The following FAAP100 variants were observed in gnomAD, a reference collection of about 807,000 sequenced individuals.
FAAP100 encodes the protein FA core complex associated protein 100, also known as Fanconi anemia core complex-associated protein 100.
A neutral mutation model predicts 65.8 loss-of-function variants in FAAP100; 46 were observed. The ratio of observed to expected loss-of-function variants is 0.70; its 90% confidence interval spans 0.55 to 0.89. FAAP100 has a LOEUF of 0.89. Ranked by LOEUF, FAAP100 falls within the 40% of genes least tolerant of loss-of-function variation. The pLI is 0.00. For missense variants in FAAP100, 1,165 were observed against 1,196.7 expected, an observed-to-expected ratio of 0.97 and a Z score of 0.39; for synonymous variants, 663 against 555.1, an observed-to-expected ratio of 1.19 and a Z score of -2.73.
chr17:81,552,546 G>T (rs2033539079), upstream of FAAP100, among the ~76,000 whole-genome samples: 2 of 152,166 alleles, frequency 1.3e-5, no homozygotes, highest in Admixed American at 1.3e-4. Flanking sequence ...AGGGGCCGCG[G>T]CACCGTGCCG....
At chr17:81,542,325 G>A (rs955798201) in intron 7 of FAAP100, among the ~76,000 whole-genome samples, 11 of 150,960 alleles carry the variant, frequency 7.3e-5, no homozygotes, top group Admixed American at 3.3e-4. Flanking sequence ...CAGAGGGTGC[G>A]GTGAGCAGAG....
intron 5 of FAAP100, chr17:81,546,670 G>A: frequency 2.5e-6 from 1 of 399,804 alleles, no homozygotes; most frequent in Non-Finnish European, 4.3e-6. Flanking sequence ...AGGAGCAGCT[G>A]GGAGAGGGAG....
At chr17:81,541,036 G>T in intron 8 of FAAP100, 86 bp from the exon 9 acceptor site, 2 of 1,442,308 alleles carry the variant, frequency 1.4e-6, no homozygotes, top group African/African-American at 1.4e-5. Flanking sequence ...CCACTCGCAG[G>T]ACCCTACTTG....
chr17:81,551,686 G>A (rs2033500714), intron 2 of FAAP100: 1 of 1,327,192 alleles, frequency 7.5e-7, no homozygotes, highest in African/African-American at 1.5e-5. Flanking sequence ...CCAAAGGACA[G>A]GATCCCGCGC....
intron 7 of FAAP100, 62 bp from the exon 8 acceptor site, chr17:81,541,457 G>A (rs917014999): frequency 2.1e-6 from 3 of 1,441,822 alleles, no homozygotes; most frequent in African/African-American, 2.8e-5. Flanking sequence ...CACACCCCTT[G>A]GAGCAGGGTG....
rs2033049621 is a variant in FAAP100, at chr17:81,540,557, CAG to C, written c.*260_*261del. 6.8e-6 allele frequency: 3 copies of C among 440,416 alleles called. No individual in the cohort carries two copies. The highest frequency in any genetic ancestry group is 6.0e-5 in the African/African-American group (3 of 49,606). The allele number at this position is 440,416 out of a possible 1,614,324, so 27.3% of individuals were successfully genotyped here. On this transcript the variant is annotated 3_prime_UTR_variant, in exon 9 of 9. Transcript: ENST00000327787. ...CGAGTGCAGGGGCTGCGGCCGCGGTCAGAGAAGGAGAGACACCAGCAGAGGAC... is the reference window on the plus strand; with the variant it reads ...CGAGTGCAGGGGCTGCGGCCGCGGTCAGAAGGAGAGACACCAGCAGAGGAC...
rs937996423 is a variant in FAAP100 at position 81,540,336 on chromosome 17, G to A, written c.*483C>T. 6 of 400,736 alleles carry A rather than the reference G, an allele frequency of 1.5e-5. No individual in the cohort carries two copies. Among genetic ancestry groups the A allele is most frequent in the South Asian group, 1.2e-4 (1 of 8,036 alleles). The allele number at this position is 400,736 out of a possible 1,614,324, so 24.8% of individuals were successfully genotyped here. The stretch of plus-strand genomic sequence containing the variant: ...GTGTGAACAGTGTGACAAGGGTACC[G>A]TGGGGCACCTGGTAGTGCCACCCAG... On this transcript the variant is annotated 3_prime_UTR_variant, in exon 9 of 9. Transcript: ENST00000327787.
Position 81,552,014 on chromosome 17 carries a change from C to A in FAAP100, c.204G>T (p.Glu68Asp). 1 of 1,562,870 alleles carries A rather than the reference C, an allele frequency of 6.4e-7. No homozygotes were observed. Among genetic ancestry groups the A allele is most frequent in the East Asian group, 2.5e-5 (1 of 40,698 alleles). Reference protein sequence around the residue: ...FRFPDQVWHLELLAPRRLLYA... With the variant: ...FRFPDQVWHLDLLAPRRLLYA... Reference sequence around the variant, plus strand: ...ACAGCAACCTGCGCGGCGCCAGCAGCTCCAGGTGCCACACCTGGTCGGGGA... The same window carrying A: ...ACAGCAACCTGCGCGGCGCCAGCAGATCCAGGTGCCACACCTGGTCGGGGA... Residue 68 changes from glutamate (E) to aspartate (D), a missense_variant, in exon 2 of 9, where the codon GAG becomes GAT. Transcript: ENST00000327787.
intron 6 of FAAP100, among the ~76,000 whole-genome samples, chr17:81,545,130 A>G (rs1241724556): frequency 6.6e-6 from 1 of 152,198 alleles, no homozygotes; most frequent in African/African-American, 2.4e-5. Flanking sequence ...AAATCGCACC[A>G]CTGGACTCCA....
intron 6 of FAAP100, among the ~76,000 whole-genome samples, chr17:81,544,507 G>A (rs966266412): frequency 2.0e-5 from 3 of 152,146 alleles, no homozygotes; most frequent in African/African-American, 4.8e-5. Context: ...GCCCAGATCC[G>A]TCCCCCCACA....
chr17:81,544,095 G>A lies in FAAP100; in HGVS notation c.2336C>T (p.Ala779Val). The change falls in exon 7 of 9, where the codon GCA (alanine) becomes GTA (valine). Residue 779 changes from alanine to valine, a missense_variant. Physicochemically the swap from Ala to Val is moderately conservative, Grantham distance 64. Transcript: ENST00000327787. Reference sequence around the variant, plus strand: ...AATCTCCACGGCCTGGATGGGCCCTGCTGGGCACAGGTCAGTCATGGCCAC... The same window carrying A: ...AATCTCCACGGCCTGGATGGGCCCTACTGGGCACAGGTCAGTCATGGCCAC... ...REVAMTDLCP[A>V]GPIQAVEIQV... 1 of 1,612,508 alleles carries A rather than the reference G, an allele frequency of 6.2e-7. No homozygotes were observed. Among genetic ancestry groups the A allele is most frequent in the Non-Finnish European group, 8.5e-7 (1 of 1,179,728 alleles).
At position 81,549,035 on chromosome 17, in the gene FAAP100, G is replaced by A. The variant is rs183417549; in HGVS notation, c.1403+171C>T. Among the ~76,000 whole-genome samples the A allele has an allele frequency of 2.7e-4, 28 of 104,274 alleles. No homozygotes were observed. In the South Asian group the frequency reaches 4.8e-3, roughly 18 times the overall value. 68.4% of individuals were successfully genotyped at this position (104,274 alleles called of 152,430 possible). The stretch of plus-strand genomic sequence containing the variant: ...AGCCTGGGTGACAGCGTGAGACTCC[G>A]TCTCAGAAAAAAAAAAAAAAAAAAA... On this transcript the variant is annotated intron_variant, in intron 4 of 8. Transcript: ENST00000327787.
chr17:81,551,686 G>T, intron 2 of FAAP100: 3 of 1,327,310 alleles, frequency 2.3e-6, no homozygotes, highest in South Asian at 4.3e-5. Context: ...CCAAAGGACA[G>T]GATCCCGCGC....
intron 7 of FAAP100, 152 bp downstream of exon 7, chr17:81,543,852 C>CT (rs2033201290): frequency 5.8e-6 from 4 of 692,634 alleles, no homozygotes; most frequent in Non-Finnish European, 9.6e-6. Flanking sequence ...CACTGCACAA[C>CT]ACCGCACTCA....
intron 2 of FAAP100, chr17:81,551,614 C>A: frequency 9.0e-7 from 1 of 1,110,048 alleles, no homozygotes; most frequent in Non-Finnish European, 1.2e-6. Flanking sequence ...GCTGTCTCCT[C>A]CCTCCAATAA....
Position 81,543,984 on chromosome 17 carries a change from T to TC in FAAP100, c.2427+19dup. The TC allele has an allele frequency of 6.3e-7, 1 of 1,598,298 alleles. No individual in the cohort carries two copies. The highest frequency in any genetic ancestry group is 8.6e-7 in the Non-Finnish European group (1 of 1,169,012). ...AGCGACCCACAGATCCTGGCCACCT[T>TC]CCCCAGCGGGCCGACATACCTGCAT... On this transcript the variant is annotated intron_variant, in intron 7 of 8. Coordinates refer to ENST00000327787, the MANE Select transcript of FAAP100 (RefSeq NM_025161.6).
chr17:81,549,120 T>A, intron 4 of FAAP100, 86 bp downstream of exon 4: 32 of 1,222,938 alleles, frequency 2.6e-5, no homozygotes, highest in East Asian at 8.1e-5. Flanking sequence ...CCGAGGACAC[T>A]CACACCCAGG....
intron 3 of FAAP100, 126 bp downstream of exon 3, chr17:81,550,122 T>C: frequency 1.1e-6 from 1 of 932,708 alleles, no homozygotes; most frequent in East Asian, 2.4e-5. Flanking sequence ...CACTAGGCTG[T>C]ATCAGCACCC....
In FAAP100 at chr17:81,540,908, T is replaced by C. The variant is rs769760160; in HGVS notation, c.2557A>G (p.Thr853Ala). 5.0e-6 allele frequency: 8 copies of C among 1,591,402 alleles called. No homozygotes were observed. Among genetic ancestry groups the C allele is most frequent in the Middle Eastern group, 1.7e-4 (1 of 5,988 alleles). ...GCACAGGAGCTGGCCTCATCCTCCG[T>C]GCAGAGCCGGTCGCGCAGGGTCTGC... ...EVQTLRDRLC[T>A]EDEASSCATA... The change falls in exon 9 of 9, where the codon ACG becomes GCG. Residue 853 changes from threonine to alanine, a missense_variant. Transcript: ENST00000327787.
Sources: gnomAD v4.1 joint callset for allele counts (sites outside exome capture counted in the v4.1 genomes callset) on GRCh38, gnomAD v4.1.1 for gene constraint, MANE v1.5 for transcripts, NCBI Gene and HGNC (gene_info 2026-07-23, HGNC 2026-07-21) for gene names.